Variants in DOK5 observed in about 807,000 individuals in gnomAD.
DOK5 encodes docking protein 5.
A neutral mutation model predicts 43.3 loss-of-function variants in DOK5; 27 were observed. The observed-to-expected ratio is 0.62, with a 90% CI of 0.46 to 0.86. DOK5 has a LOEUF of 0.86. DOK5 is among the 40% of genes least tolerant of loss of function. DOK5 has a pLI of 0.00. For missense variants in DOK5, 373 were observed against 392.9 expected (o/e 0.95, Z 0.43); for synonymous variants, 146 against 140.1 (o/e 1.04, Z -0.30).
intron 1 of DOK5, among the ~76,000 whole-genome samples, chr20:54,531,394 C>G (rs779812631): frequency 3.3e-5 from 5 of 152,154 alleles, no homozygotes; most frequent in African/African-American, 4.8e-5. Context: ...GGGTAAAATT[C>G]ACTATAGATA....
chr20:54,596,243 G>A (rs766219321), intron 5 of DOK5, among the ~76,000 whole-genome samples: 1 of 152,168 alleles, frequency 6.6e-6, no homozygotes, highest in African/African-American at 2.4e-5. Flanking sequence ...GCTATTTTTG[G>A]ATGTGTTGAA....
intron 5 of DOK5, among the ~76,000 whole-genome samples, chr20:54,608,635 C>G (rs372980769): frequency 2.6e-5 from 4 of 151,298 alleles, no homozygotes; most frequent in East Asian, 3.9e-4. Context: ...ATTGAAAGAG[C>G]CTTCATGTTT....
chr20:54,571,253 C>T (rs1985272333), intron 2 of DOK5, among the ~76,000 whole-genome samples: 2 of 152,082 alleles, frequency 1.3e-5, no homozygotes, highest in African/African-American at 2.4e-5. Flanking sequence ...GGTGAAAGTC[C>T]TAATTGCTTT....
At chr20:54,576,326 T>C (rs1163146396) in intron 2 of DOK5, among the ~76,000 whole-genome samples, 1 of 152,194 alleles carries the variant, frequency 6.6e-6, no homozygotes, top group African/African-American at 2.4e-5. Context: ...CATAGAAGAC[T>C]ACTGCTCAGA....
intron 6 of DOK5, among the ~76,000 whole-genome samples, chr20:54,641,709 A>C (rs975294760): frequency 6.6e-6 from 1 of 152,150 alleles, no homozygotes; most frequent in Non-Finnish European, 1.5e-5. Flanking sequence ...TGAGCAACTA[A>C]AATGACATTG....
Position 54,475,770 on chromosome 20 carries a change from T to A in DOK5, c.-177T>A. On this transcript the variant is annotated 5_prime_UTR_variant, in exon 1 of 8. The change creates a new upstream start codon in the 5' untranslated region. Transcript: ENST00000262593. This position sits in a 1 kb window ranked among gnomAD's most constrained non-coding sequence, Gnocchi z 4.2. ...GCAAGCCGGCCGCCCACTGTCAGGG[T>A]TGGGGGGACAGAGAAAGTGATGTGC... The A allele has an allele frequency of 1.3e-6, 1 of 757,564 alleles. No individual in the cohort carries two copies. The highest frequency in any genetic ancestry group is 2.1e-6 in the Non-Finnish European group (1 of 470,836). The allele number at this position is 757,564 out of a possible 1,614,324, so 46.9% of individuals were successfully genotyped here. A position where few individuals can be genotyped will look rare whatever the true frequency, so the allele number is the denominator to read the frequency against.
chr20:54,504,770 G>A (rs777831207), intron 1 of DOK5, among the ~76,000 whole-genome samples: 4 of 152,104 alleles, frequency 2.6e-5, no homozygotes, highest in Non-Finnish European at 5.9e-5. Flanking sequence ...ACCTGTCATG[G>A]GCACACATCA....
chr20:54,613,187 G>A (rs1466017209), intron 6 of DOK5, among the ~76,000 whole-genome samples: 2 of 126,458 alleles, frequency 1.6e-5, no homozygotes, highest in African/African-American at 4.1e-5. Context: ...TTACATCTGC[G>A]CCTCATCTCT....
intron 2 of DOK5, among the ~76,000 whole-genome samples, chr20:54,572,792 A>G (rs767779595): frequency 6.6e-6 from 1 of 152,128 alleles, no homozygotes; most frequent in Non-Finnish European, 1.5e-5. Flanking sequence ...CTAAATAATC[A>G]TTCTCTGGAG....
At chr20:54,532,574 A>G (rs1162733420) in intron 1 of DOK5, among the ~76,000 whole-genome samples, 1 of 152,190 alleles carries the variant, frequency 6.6e-6, no homozygotes, top group Non-Finnish European at 1.5e-5. Flanking sequence ...AGGTGGGTAT[A>G]TCTTCACAGC....
intron 6 of DOK5, among the ~76,000 whole-genome samples, chr20:54,624,418 C>T (rs1987076335): frequency 6.6e-6 from 1 of 152,170 alleles, no homozygotes; most frequent in South Asian, 2.1e-4. Context: ...AGGGACAAGG[C>T]CCCATGGGTG....
chr20:54,526,241 A>G (rs1332370328), intron 1 of DOK5, among the ~76,000 whole-genome samples: 1 of 151,396 alleles, frequency 6.6e-6, no homozygotes, highest in Non-Finnish European at 1.5e-5. Context: ...TCTATTCATA[A>G]TGTTGGATAA....
At chr20:54,587,904 G>A (rs1321588870) in intron 2 of DOK5, among the ~76,000 whole-genome samples, 1 of 152,168 alleles carries the variant, frequency 6.6e-6, no homozygotes, top group Non-Finnish European at 1.5e-5. Context: ...AATTCATTAT[G>A]TACTTTCTAT....
intron 7 of DOK5, among the ~76,000 whole-genome samples, chr20:54,645,767 A>G (rs771582189): frequency 1.2e-4 from 19 of 152,118 alleles, no homozygotes; most frequent in Admixed American, 6.6e-4. Context: ...GCCTCCTTCT[A>G]TCTTTATCAT....
At chr20:54,634,899 A>G (rs1383911989) in intron 6 of DOK5, among the ~76,000 whole-genome samples, 1 of 152,158 alleles carries the variant, frequency 6.6e-6, no homozygotes, top group East Asian at 1.9e-4. Flanking sequence ...ATTGATTCCA[A>G]AACATTTTCA....
chr20:54,506,030 C>T lies in DOK5; in HGVS notation c.66+30018C>T, dbSNP rs1009477487. Among the ~76,000 whole-genome samples the T allele has an allele frequency of 3.9e-5, 6 of 152,184 alleles. No homozygotes were observed. In the South Asian group the frequency reaches 1.2e-3, roughly 32 times the overall value. ...GCTTTGGATTGCATTTTAAAAACAT[C>T]ACTCTGGCTGCAGATGGCGGCCATG... On this transcript the variant is annotated intron_variant, in intron 1 of 7. Transcript: ENST00000262593.
chr20:54,529,361 A>G (rs1461910382), intron 1 of DOK5, among the ~76,000 whole-genome samples: 7 of 152,202 alleles, frequency 4.6e-5, no homozygotes, highest in Non-Finnish European at 1.0e-4. Context: ...TAGTTCCTTT[A>G]TAAATCATGG....
chr20:54,507,525 T>C (rs1463202161), intron 1 of DOK5, among the ~76,000 whole-genome samples: 1 of 152,278 alleles, frequency 6.6e-6, no homozygotes, highest in Admixed American at 6.5e-5. Context: ...TTTTACGCCC[T>C]GTGGCACAAT....
At chr20:54,562,891 A>G (rs1358825245) in intron 2 of DOK5, among the ~76,000 whole-genome samples, 1 of 152,182 alleles carries the variant, frequency 6.6e-6, no homozygotes, top group East Asian at 1.9e-4. Context: ...CTAAGGTGTA[A>G]CTGCTGGTAC....
Sources: gnomAD v4.1 joint callset for allele counts (sites outside exome capture counted in the v4.1 genomes callset) on GRCh38, gnomAD v4.1.1 for gene constraint, Gnocchi (gnomAD v3.1) non-coding constraint, MANE v1.5 for transcripts, NCBI Gene and HGNC (gene_info 2026-07-23, HGNC 2026-07-21) for gene names.